CAST: variants seen among roughly 807,000 people sequenced by gnomAD.
The protein encoded by CAST is calpastatin.
A neutral mutation model predicts 119.6 loss-of-function variants in CAST; 76 were observed. The observed-to-expected ratio is 0.64, with a 90% CI of 0.53 to 0.77. CAST has a LOEUF of 0.77. CAST is among the 30% of genes least tolerant of loss of function. CAST has a pLI of 0.00. For synonymous variants in CAST, 319 were observed against 331.6 expected (o/e 0.96, Z 0.41); for missense variants, 953 against 946.5 (o/e 1.01, Z -0.09).
At chr5:96,005,820 C>G in the CAST span, among the ~76,000 whole-genome samples, 1 of 151,712 alleles carries the variant, frequency 6.6e-6, no homozygotes, top group South Asian at 2.1e-4. Flanking sequence ...ATTGGAGAAA[C>G]AAGAAAAATG....
the CAST span, among the ~76,000 whole-genome samples, chr5:95,972,695 A>G: frequency 6.6e-6 from 1 of 152,118 alleles, no homozygotes; most frequent in Non-Finnish European, 1.5e-5. Flanking sequence ...AGAGCAAAAA[A>G]AGTTTTTGAT....
At chr5:96,397,240 C>T in the CAST span, 1 of 1,078,012 alleles carries the variant, frequency 9.3e-7, no homozygotes, top group South Asian at 1.3e-5. Flanking sequence ...GGGTACAATT[C>T]TTTAGGGCCC....
intron 1 of CAST, among the ~76,000 whole-genome samples, chr5:96,549,450 C>T (rs779979407): frequency 9.9e-5 from 15 of 152,172 alleles, no homozygotes; most frequent in Admixed American, 2.6e-4. Context: ...AGGAACAGCT[C>T]TGGTCTATAG....
rs112835890 is a variant in CAST at position 96,752,961 on chromosome 5, TACAC to T, written c.1525-1072_1525-1069del. 6.6e-3 allele frequency among the ~76,000 whole-genome samples: 947 copies of T among 143,358 alleles called. 7 individuals are homozygous for T. Among genetic ancestry groups the T allele is most frequent in the South Asian group, 0.035 (157 of 4,458 alleles). The allele number at this position is 143,358 out of a possible 152,430, so 94.0% of individuals were successfully genotyped here. On this transcript the variant is annotated intron_variant, in intron 20 of 31. Coordinates refer to ENST00000675179, the MANE Select transcript of CAST (RefSeq NM_001750.7). ...TCCCTTCTATGTATGATGCATTTTATACACACACACACACACACACACACACACA... is the reference window on the plus strand; with the variant it reads ...TCCCTTCTATGTATGATGCATTTTATACACACACACACACACACACACACA...
chr5:96,534,805 A>AAAGAAAGAAAGAAAG (rs1561409075), intron 1 of CAST, among the ~76,000 whole-genome samples: 1 of 106,466 alleles, frequency 9.4e-6, no homozygotes, highest in Non-Finnish European at 2.2e-5. Flanking sequence ...AAGAAAGAAG[A>AAAGAAAGAAAGAAAG]AAGAAAGAAA....
At chr5:96,299,525 C>T in the CAST span, among the ~76,000 whole-genome samples, 1 of 152,180 alleles carries the variant, frequency 6.6e-6, no homozygotes, top group African/African-American at 2.4e-5. Flanking sequence ...GGCTCCCCTG[C>T]TCCCATGCTC....
chr5:96,168,127 G>A, the CAST span, among the ~76,000 whole-genome samples: 1 of 152,202 alleles, frequency 6.6e-6, no homozygotes, highest in African/African-American at 2.4e-5. Context: ...TGTGTGAGAA[G>A]AGATTGATAG....
At chr5:96,645,073 A>T (rs970547143) in intron 1 of CAST, among the ~76,000 whole-genome samples, 1 of 152,132 alleles carries the variant, frequency 6.6e-6, no homozygotes, top group South Asian at 2.1e-4. Flanking sequence ...ATCCAATACT[A>T]CATACTCACT....
chr5:96,380,978 A>G, the CAST span, among the ~76,000 whole-genome samples: 6 of 152,210 alleles, frequency 3.9e-5, no homozygotes, highest in Non-Finnish European at 7.3e-5. Flanking sequence ...TTTAAAAAAC[A>G]TCTTGTTGAA....
At chr5:96,561,811 G>A (rs1212783261) in intron 1 of CAST, among the ~76,000 whole-genome samples, 1 of 9,438 alleles carries the variant, frequency 1.1e-4, no homozygotes, top group Non-Finnish European at 2.5e-4. Flanking sequence ...TTTTTTTTTT[G>A]AGACGGAGTC....
upstream of CAST, among the ~76,000 whole-genome samples, chr5:96,657,678 T>G (rs531008078): frequency 2.6e-5 from 4 of 152,204 alleles, no homozygotes; most frequent in Non-Finnish European, 5.9e-5. Flanking sequence ...TGCAAAAATT[T>G]CTATATAGAA....
the CAST span, among the ~76,000 whole-genome samples, chr5:96,050,546 AT>A: frequency 2.0e-5 from 3 of 152,238 alleles, no homozygotes; most frequent in South Asian, 2.1e-4. Flanking sequence ...GAGGAAGTTC[AT>A]GCTGATCATC....
the CAST span, among the ~76,000 whole-genome samples, chr5:96,307,147 A>G: frequency 2.0e-5 from 3 of 152,164 alleles, no homozygotes; most frequent in Non-Finnish European, 2.9e-5. Flanking sequence ...TATTGGTTGC[A>G]TATATATTTA....
chr5:96,345,857 G>C, the CAST span, among the ~76,000 whole-genome samples: 5 of 152,200 alleles, frequency 3.3e-5, no homozygotes, highest in East Asian at 9.6e-4. Context: ...CCACACAGGT[G>C]AGAAAGTGAG....
the CAST span, among the ~76,000 whole-genome samples, chr5:96,313,158 G>GT: frequency 6.6e-6 from 1 of 151,974 alleles, no homozygotes; most frequent in African/African-American, 2.4e-5. Context: ...TTCAACTCAA[G>GT]TTTTTTTCTG....
At chr5:96,640,801 G>A (rs985042159) in intron 1 of CAST, among the ~76,000 whole-genome samples, 1 of 152,322 alleles carries the variant, frequency 6.6e-6, no homozygotes, top group Middle Eastern at 3.4e-3. Context: ...ATGACGTTAG[G>A]AGAGGGAGGT....
chr5:96,622,807 C>T (rs1747642828), intron 1 of CAST, among the ~76,000 whole-genome samples: 1 of 147,826 alleles, frequency 6.8e-6, no homozygotes, highest in Admixed American at 6.7e-5. Flanking sequence ...ACTTGCTATT[C>T]AACTGCATAA....
In CAST at chr5:96,707,298, A is replaced by G. The variant is rs181473035; in HGVS notation, c.210+11391A>G. 1.2e-3 allele frequency among the ~76,000 whole-genome samples: 179 copies of G among 152,332 alleles called. 1 individual carries two copies. Among genetic ancestry groups the G allele is most frequent in the African/African-American group, 4.1e-3 (171 of 41,572 alleles). On this transcript the variant is annotated intron_variant, in intron 3 of 31. Coordinates refer to ENST00000675179, the MANE Select transcript of CAST (RefSeq NM_001750.7). ...CTTTACAACACTCTGTTTTTTAAAA[A>G]ACTAACATTTAACTTTATTTGAGGA...
chr5:95,965,302 CTT>C, the CAST span: 2 of 152,068 alleles, frequency 1.3e-5, no homozygotes, highest in African/African-American at 4.8e-5. Flanking sequence ...TTCTGTAACA[CTT>C]AAGTTAAAAA....
Sources: gnomAD v4.1 joint callset for allele counts (sites outside exome capture counted in the v4.1 genomes callset) on GRCh38, gnomAD v4.1.1 for gene constraint, MANE v1.5 for transcripts, NCBI Gene and HGNC (gene_info 2026-07-23, HGNC 2026-07-21) for gene names.